KIAA0513: variants seen among roughly 807,000 people sequenced by gnomAD.
KIAA0513 encodes the protein uncharacterized protein KIAA0513.
KIAA0513 carries 39 observed loss-of-function variants against 56.5 expected under a neutral mutation model. The ratio of observed to expected loss-of-function variants is 0.69; its 90% CI spans 0.53 to 0.90. The LOEUF (loss-of-function observed/expected upper bound fraction) is 0.90. Among genes scored for constraint, KIAA0513 ranks in the 40% least tolerant of loss-of-function variants. The probability of loss-of-function intolerance (pLI) is 0.00; values close to 1 mark genes in which losing one functional copy is unlikely to be tolerated. For synonymous variants in KIAA0513, 268 were observed against 215.6 expected, an observed-to-expected ratio of 1.24 and a Z score of -2.13; for missense variants, 591 against 535.2, an observed-to-expected ratio of 1.10 and a Z score of -1.03.
At chr16:85,067,558 A>G (rs574010379) in intron 2 of KIAA0513, among the ~76,000 whole-genome samples, 158 bp downstream of exon 2, 1 of 152,024 alleles carries the variant, frequency 6.6e-6, no homozygotes, top group African/African-American at 2.4e-5. Flanking sequence ...GCCTCACTCC[A>G]CTCCAGGCTG....
chr16:85,064,760 A>G (rs943883786), intron 1 of KIAA0513, among the ~76,000 whole-genome samples: 3 of 152,146 alleles, frequency 2.0e-5, no homozygotes, highest in Admixed American at 2.0e-4. Context: ...ATCTCGGGTC[A>G]CTGCAACCTC....
intron 1 of KIAA0513, among the ~76,000 whole-genome samples, chr16:85,063,929 C>T (rs1324317888): frequency 2.0e-5 from 3 of 151,560 alleles, no homozygotes; most frequent in Admixed American, 6.6e-5. Context: ...TGAACGTTTT[C>T]TGAATTGTAT....
chr16:85,087,975 G>A (rs1016371999), intron 12 of KIAA0513, among the ~76,000 whole-genome samples: 2 of 152,248 alleles, frequency 1.3e-5, no homozygotes, highest in African/African-American at 4.8e-5. Flanking sequence ...TGTAGGGGCT[G>A]AGCCCCATGA....
intron 1 of KIAA0513, among the ~76,000 whole-genome samples, chr16:85,056,107 A>C (rs1220255664): frequency 6.6e-6 from 1 of 152,216 alleles, no homozygotes; most frequent in Non-Finnish European, 1.5e-5. Context: ...TCTCCTGTCC[A>C]TGTGAGAAGC....
At chr16:85,050,056 G>C (rs892371329) in intron 1 of KIAA0513, among the ~76,000 whole-genome samples, 2 of 152,134 alleles carry the variant, frequency 1.3e-5, no homozygotes, top group Non-Finnish European at 2.9e-5. Context: ...CGCGCCTTAT[G>C]GCGGGTTCTA....
rs1214398548 is a variant in KIAA0513, at chr16:85,093,775, A to G, written c.*5450A>G. On this transcript the variant is annotated 3_prime_UTR_variant, in exon 13 of 13. Coordinates refer to ENST00000683363, the MANE Select transcript of KIAA0513 (RefSeq NM_001388359.1). Reference sequence around the variant, plus strand: ...GGTCTTCTGGGTGGACACGTGGAGAAAGAGAAGGCAAACGTTGGAACACTA... The same window carrying G: ...GGTCTTCTGGGTGGACACGTGGAGAGAGAGAAGGCAAACGTTGGAACACTA... 6.6e-6 allele frequency: 1 copy of G among 152,266 alleles called. No homozygotes were observed. Among genetic ancestry groups the G allele is most frequent in the African/African-American group, 2.4e-5 (1 of 41,424 alleles). 9.4% of individuals were successfully genotyped at this position (152,266 alleles called of 1,614,324 possible). A position where few individuals can be genotyped will look rare whatever the true frequency, so the allele number is the denominator to read the frequency against.
rs146798223 is a variant in KIAA0513 at position 85,043,573 on chromosome 16, G to A, written c.-173+15715G>A. Among the ~76,000 whole-genome samples, 135 of 149,854 alleles carry A rather than the reference G, an allele frequency of 9.0e-4. 1 individual carries two copies. The highest frequency in any genetic ancestry group is 2.8e-3 in the African/African-American group (115 of 40,736). On this transcript the variant is annotated intron_variant, in intron 1 of 12. Coordinates refer to ENST00000683363, the MANE Select transcript of KIAA0513 (RefSeq NM_001388359.1). The stretch of plus-strand genomic sequence containing the variant: ...ACTACAGGCGTGCGCCACCACACCC[G>A]ACTAATCTTTCATATTCTTAGCAGG...
chr16:85,056,660 C>T (rs1228733531), intron 1 of KIAA0513, among the ~76,000 whole-genome samples: 1 of 152,146 alleles, frequency 6.6e-6, no homozygotes, highest in Non-Finnish European at 1.5e-5. Context: ...TCACTGGTTA[C>T]GGTGCTGGCC....
In KIAA0513 at chr16:85,081,305, T is replaced by C; in HGVS notation, c.903-10T>C. 1 of 1,613,260 alleles carries C rather than the reference T, an allele frequency of 6.2e-7. No individual in the cohort carries two copies. The highest frequency in any genetic ancestry group is 8.5e-7 in the Non-Finnish European group (1 of 1,179,640). ...CTTGGAGAGAGTGTGACTGGGGCTC[T>C]GTCTTGCAGGCACACTCTGAGGTTC... On this transcript the variant is annotated splice_polypyrimidine_tract_variant and intron_variant, in intron 8 of 12. Coordinates refer to ENST00000683363, the MANE Select transcript of KIAA0513 (RefSeq NM_001388359.1). The surrounding 1 kb of genome is among the most constrained non-coding windows in gnomAD (Gnocchi z 4.4).
intron 1 of KIAA0513, among the ~76,000 whole-genome samples, chr16:85,053,188 C>T (rs1304362686): frequency 6.6e-6 from 1 of 152,212 alleles, no homozygotes; most frequent in Non-Finnish European, 1.5e-5. Context: ...CACGCCCGAC[C>T]TGGATCAAAT....
intron 4 of KIAA0513, 93 bp from the exon 5 acceptor site, chr16:85,075,751 C>T (rs72805479): frequency 0.049 from 49,805 of 1,022,828 alleles, 1,432 homozygotes; most frequent in African/African-American, 0.099. Context: ...TTAATTGGGA[C>T]GCATGTGTCA....
At chr16:85,070,290 T>C (rs2073553859) in intron 2 of KIAA0513, among the ~76,000 whole-genome samples, 1 of 152,156 alleles carries the variant, frequency 6.6e-6, no homozygotes, top group Non-Finnish European at 1.5e-5. Flanking sequence ...GCCTTATTCA[T>C]GGGTGCTTTT....
At chr16:85,074,261 C>T (rs1484769700) in intron 4 of KIAA0513, among the ~76,000 whole-genome samples, 1 of 151,830 alleles carries the variant, frequency 6.6e-6, no homozygotes. Context: ...AGGAGTGAGC[C>T]ACCACACCTG....
intron 1 of KIAA0513, among the ~76,000 whole-genome samples, chr16:85,045,000 C>G (rs988689200): frequency 1.3e-5 from 2 of 152,082 alleles, no homozygotes; most frequent in African/African-American, 4.8e-5. Context: ...CACCTGTAGT[C>G]CCAGCTACTT....
intron 10 of KIAA0513, among the ~76,000 whole-genome samples, chr16:85,083,229 G>A (rs1313817538): frequency 6.6e-6 from 1 of 152,202 alleles, no homozygotes; most frequent in South Asian, 2.1e-4. Context: ...CCACAGAGGG[G>A]TCTGACTCTC....
intron 1 of KIAA0513, among the ~76,000 whole-genome samples, chr16:85,060,960 C>T (rs1352569194): frequency 2.0e-5 from 3 of 151,826 alleles, no homozygotes; most frequent in Non-Finnish European, 2.9e-5. Flanking sequence ...TCGAGACCAA[C>T]CTGGCCAACA....
chr16:85,077,617 T>C lies in KIAA0513; in HGVS notation c.767T>C (p.Leu256Pro). ...GGLETKLKGPLARRNEEDENK... is the reference protein window; with the variant it reads ...GGLETKLKGPPARRNEEDENK... ...CTGGAGACCAAGCTGAAGGGGCCCCTGGCCAGGAGGAACGAGTACGTGTGG... is the reference window on the plus strand; with the variant it reads ...CTGGAGACCAAGCTGAAGGGGCCCCCGGCCAGGAGGAACGAGTACGTGTGG... The change falls in exon 6 of 13, where the codon CTG (leucine) becomes CCG (proline). Residue 256 changes from leucine (L) to proline (P), a missense_variant. Physicochemically the swap from Leu to Pro is moderately conservative, Grantham distance 98. Coordinates refer to ENST00000683363, the MANE Select transcript of KIAA0513 (RefSeq NM_001388359.1). The C allele has an allele frequency of 6.2e-7, 1 of 1,611,850 alleles. No individual in the cohort carries two copies. Among genetic ancestry groups the C allele is most frequent in the East Asian group, 2.2e-5 (1 of 44,848 alleles).
Position 85,075,908 on chromosome 16 carries a change from C to G in KIAA0513, c.568C>G (p.His190Asp), listed in dbSNP as rs1341522411. The change falls in exon 5 of 13, where the codon CAC (histidine) becomes GAC (aspartate). Residue 190 changes from histidine (H) to aspartate (D), a missense_variant. Coordinates refer to ENST00000683363, the MANE Select transcript of KIAA0513 (RefSeq NM_001388359.1). ...NLMTMCFTYY[H>D]IGKPQLLPPE... ...CATGACCATGTGCTTCACCTACTAC[C>G]ACATCGGTAAGACATGGGTGGGCTG... The G allele has an allele frequency of 1.2e-6, 2 of 1,612,922 alleles. No homozygotes were observed.
rs1160648533 is a variant in KIAA0513 at position 85,034,442 on chromosome 16, G to A, written c.-173+6584G>A. Among the ~76,000 whole-genome samples, 3 of 152,188 alleles carry A rather than the reference G, an allele frequency of 2.0e-5. No individual in the cohort carries two copies. The East Asian group carries it at 5.8e-4, about 29-fold the overall frequency. ...TACTCCTGCCAAGGAGTTTATCTGG[G>A]GAAGGAAGGTGCTTAGCAGAAATGA... On this transcript the variant is annotated intron_variant, in intron 1 of 12. Transcript: ENST00000683363.
Sources: gnomAD v4.1 joint callset for allele counts (sites outside exome capture counted in the v4.1 genomes callset) on GRCh38, gnomAD v4.1.1 for gene constraint, Gnocchi (gnomAD v3.1) non-coding constraint, MANE v1.5 for transcripts, NCBI Gene and HGNC (gene_info 2026-07-23, HGNC 2026-07-21) for gene names.